The following NALCN variants were observed in gnomAD, a reference collection of about 807,000 sequenced individuals.
NALCN encodes the protein sodium leak channel, non-selective.
Under a neutral mutation model 225.3 loss-of-function variants are expected in NALCN, and 111 were observed. The observed-to-expected ratio is 0.49, with a 90% CI of 0.42 to 0.58. The LOEUF is 0.58. Ranked by LOEUF, NALCN falls within the 20% of genes least tolerant of loss-of-function variation. The pLI, the probability that NALCN is intolerant of heterozygous loss-of-function variation, is 0.00. For missense variants in NALCN, 1,378 were observed against 2,202.4 expected, an observed-to-expected ratio of 0.63 and a Z score of 7.49; for synonymous variants, 764 against 769.0, an observed-to-expected ratio of 0.99 and a Z score of 0.11.
intron 7 of NALCN, among the ~76,000 whole-genome samples, chr13:101,306,625 T>G (rs1316512291): frequency 6.6e-6 from 1 of 152,218 alleles, no homozygotes; most frequent in Non-Finnish European, 1.5e-5. Flanking sequence ...GTCCTCCACC[T>G]CAGCATCCCA....
intron 43 of NALCN, among the ~76,000 whole-genome samples, chr13:101,056,032 A>G (rs2031199063): frequency 6.6e-6 from 1 of 152,154 alleles, no homozygotes; most frequent in African/African-American, 2.4e-5. Context: ...GACAATGAAA[A>G]TGTCCTAATT....
chr13:101,322,266 A>G (rs2044770003), intron 7 of NALCN, among the ~76,000 whole-genome samples: 1 of 152,206 alleles, frequency 6.6e-6, no homozygotes, highest in Non-Finnish European at 1.5e-5. Flanking sequence ...CTGATAATGC[A>G]CAAATATATA....
intron 15 of NALCN, among the ~76,000 whole-genome samples, chr13:101,169,720 GCT>G (rs2038624361): frequency 6.6e-6 from 1 of 152,198 alleles, no homozygotes; most frequent in Non-Finnish European, 1.5e-5. Flanking sequence ...AGCCTTTGTG[GCT>G]CTGACCCAGG....
intron 13 of NALCN, among the ~76,000 whole-genome samples, chr13:101,195,533 G>T (rs1380680440): frequency 6.6e-6 from 1 of 152,142 alleles, no homozygotes; most frequent in Non-Finnish European, 1.5e-5. Flanking sequence ...TAAACATGTT[G>T]AACCTGAATT....
At chr13:101,403,154 T>C (rs2047524312) in intron 1 of NALCN, among the ~76,000 whole-genome samples, 1 of 152,200 alleles carries the variant, frequency 6.6e-6, no homozygotes, top group Non-Finnish European at 1.5e-5. Context: ...CACTCATTTG[T>C]TCATTCATTC....
intron 43 of NALCN, among the ~76,000 whole-genome samples, chr13:101,055,779 C>T (rs897082209): frequency 4.0e-5 from 6 of 151,744 alleles, no homozygotes; most frequent in Non-Finnish European, 8.8e-5. Flanking sequence ...AATTCCAATT[C>T]GGGAACTATT....
At chr13:101,301,976 T>A (rs2043989355) in intron 7 of NALCN, among the ~76,000 whole-genome samples, 1 of 152,202 alleles carries the variant, frequency 6.6e-6, no homozygotes, top group African/African-American at 2.4e-5. Flanking sequence ...AAATATGTCA[T>A]ACCAGAAATA....
At chr13:101,382,370 A>G (rs570239113) in intron 3 of NALCN, among the ~76,000 whole-genome samples, 17 of 152,032 alleles carry the variant, frequency 1.1e-4, no homozygotes, top group Non-Finnish European at 2.5e-4. Context: ...ATGTATTCTG[A>G]TATGTTTTTG....
intron 2 of NALCN, 60 bp downstream of exon 2, chr13:101,398,959 T>G: frequency 9.3e-7 from 1 of 1,077,528 alleles, no homozygotes; most frequent in Middle Eastern, 2.1e-4. Flanking sequence ...TATTTGAATT[T>G]GTCAATCACA....
At chr13:101,154,759 A>G (rs1272445875) in intron 15 of NALCN, among the ~76,000 whole-genome samples, 1 of 152,180 alleles carries the variant, frequency 6.6e-6, no homozygotes, top group East Asian at 1.9e-4. Context: ...TCTTCATTCT[A>G]TTATTGTTTT....
At chr13:101,180,201 G>GTTTTTTT (rs1566391458) in intron 14 of NALCN, among the ~76,000 whole-genome samples, 1 of 119,778 alleles carries the variant, frequency 8.3e-6, no homozygotes. Flanking sequence ...CTCTCCACCT[G>GTTTTTTT]GTCTTTTTTT....
chr13:101,162,307 T>C (rs1484614234), intron 15 of NALCN, among the ~76,000 whole-genome samples: 2 of 152,258 alleles, frequency 1.3e-5, no homozygotes, highest in African/African-American at 4.8e-5. Context: ...CTTATTATTG[T>C]ACCTGGCCTA....
chr13:101,239,574 C>T lies in NALCN; in HGVS notation c.1267-1652G>A, dbSNP rs116458857. Among the ~76,000 whole-genome samples, 709 of 152,086 alleles carry T rather than the reference C, an allele frequency of 4.7e-3. 5 individuals are homozygous for T. Among genetic ancestry groups the T allele is most frequent in the African/African-American group, 0.017 (689 of 41,524 alleles). ...TTTATTTATCAGCTGCATAATTTCC[C>T]ATAGTGTTCAATGTTTATGTAACTC... is the stretch of plus-strand genomic sequence containing the variant. On this transcript the variant is annotated intron_variant, in intron 11 of 43. Transcript: ENST00000251127.
At chr13:101,240,111 T>C (rs1033378331) in intron 11 of NALCN, among the ~76,000 whole-genome samples, 3 of 152,086 alleles carry the variant, frequency 2.0e-5, no homozygotes, top group South Asian at 4.1e-4. Context: ...AACAGTCTGG[T>C]TTCTAACTTT....
At position 101,292,083 on chromosome 13, in the gene NALCN, A is replaced by G. The variant is rs1246922024; in HGVS notation, c.954T>C (p.Ile318=). The change falls in exon 9 of 44, where the codon ATT becomes ATC. Residue 318 remains isoleucine, a synonymous_variant. Transcript: ENST00000251127. The surrounding 1 kb of genome is among the most constrained non-coding windows in gnomAD (Gnocchi z 4.3). Reference sequence around the variant, plus strand: ...CTGCAAATGTTTCAATGATAACAGCAATAAACACGTTCTGAAAAAAATCAC... The same window carrying G: ...CTGCAAATGTTTCAATGATAACAGCGATAAACACGTTCTGAAAAAAATCAC... The part of the protein sequence containing the change: ...FLAWLVKNVF[I]AVIIETFAEI... 7 of 1,614,084 alleles carry G rather than the reference A, an allele frequency of 4.3e-6. No individual in the cohort carries two copies. Among genetic ancestry groups the G allele is most frequent in the Non-Finnish European group, 5.9e-6 (7 of 1,180,012 alleles).
intron 3 of NALCN, among the ~76,000 whole-genome samples, chr13:101,386,481 T>C (rs2046989842): frequency 6.6e-6 from 1 of 152,196 alleles, no homozygotes; most frequent in Non-Finnish European, 1.5e-5. Flanking sequence ...GGTTGCTGGA[T>C]GACTAAAGGA....
intron 7 of NALCN, among the ~76,000 whole-genome samples, chr13:101,321,532 A>T (rs1291481754): frequency 6.6e-6 from 1 of 152,162 alleles, no homozygotes; most frequent in Non-Finnish European, 1.5e-5. Flanking sequence ...TTAAAAATTA[A>T]AAATGTGCAT....
chr13:101,352,477 A>G (rs2045934930), intron 6 of NALCN, among the ~76,000 whole-genome samples: 1 of 152,206 alleles, frequency 6.6e-6, no homozygotes, highest in Non-Finnish European at 1.5e-5. Context: ...AGAAAGAGAG[A>G]GAGAAAGAGA....
chr13:101,265,468 C>T (rs1413251), intron 10 of NALCN, among the ~76,000 whole-genome samples: 13,502 of 152,128 alleles, frequency 0.089, 634 homozygotes, highest in Non-Finnish European at 0.11. Context: ...CACTTTTTCC[C>T]GCATTGATTC....
Sources: allele counts gnomAD v4.1 joint callset (sites outside exome capture counted in the v4.1 genomes callset), GRCh38; gene constraint gnomAD v4.1.1; non-coding constraint Gnocchi (gnomAD v3.1); transcripts MANE v1.5; gene names NCBI Gene and HGNC (gene_info 2026-07-23, HGNC 2026-07-21).